The following WWC2 variants were observed in gnomAD, a reference collection of about 807,000 sequenced individuals.
WWC2 encodes protein WWC2.
WWC2 carries 101 observed loss-of-function variants against 138.5 expected under a neutral mutation model. The ratio of observed to expected loss-of-function variants is 0.73; its 90% CI spans 0.62 to 0.86. The LOEUF (loss-of-function observed/expected upper bound fraction) is 0.86, where lower values mean the gene tolerates loss of function less well. WWC2 is among the 40% of genes least tolerant of loss of function. WWC2 has a pLI of 0.00. For missense variants in WWC2, 1,420 were observed against 1,419.4 expected, an observed-to-expected ratio of 1.00 and a Z score of -0.01; for synonymous variants, 558 against 538.4, an observed-to-expected ratio of 1.04 and a Z score of -0.50.
intron 4 of WWC2, among the ~76,000 whole-genome samples, chr4:183,224,780 C>T (rs914477740): frequency 1.3e-5 from 2 of 152,136 alleles, no homozygotes; most frequent in African/African-American, 4.8e-5. Context: ...AGGCTGGTCT[C>T]AAACTCCTGA....
At chr4:183,247,793 T>C (rs1736848089) in intron 6 of WWC2, among the ~76,000 whole-genome samples, 1 of 138,192 alleles carries the variant, frequency 7.2e-6, no homozygotes. Flanking sequence ...ATATTATATA[T>C]ATAGTATATA....
rs142738292 is a variant in WWC2 at position 183,133,702 on chromosome 4, G to A, written c.131+34080G>A. ...AGTAGAGACGGGGTTTCACCGTGTT[G>A]GCCAGGCTGGTCTTGAACTCCTCAC... On this transcript the variant is annotated intron_variant, in intron 1 of 22. Coordinates refer to ENST00000403733, the MANE Select transcript of WWC2 (RefSeq NM_024949.6). 3.3e-3 allele frequency among the ~76,000 whole-genome samples: 495 copies of A among 152,112 alleles called. 4 individuals are homozygous for A. Among genetic ancestry groups the A allele is most frequent in the African/African-American group, 0.01 (423 of 41,498 alleles).
At chr4:183,273,327 G>A (rs975631615) in intron 16 of WWC2, among the ~76,000 whole-genome samples, 4 of 151,548 alleles carry the variant, frequency 2.6e-5, no homozygotes, top group African/African-American at 7.3e-5. Context: ...CTTTTGAGAC[G>A]GAGTTTTCTT....
At chr4:183,126,271 G>C (rs895628421) in intron 1 of WWC2, among the ~76,000 whole-genome samples, 2 of 152,212 alleles carry the variant, frequency 1.3e-5, no homozygotes, top group African/African-American at 4.8e-5. Context: ...TGGATTGTTT[G>C]AGAGGTAATG....
chr4:183,151,515 T>C (rs1169629877), intron 1 of WWC2, among the ~76,000 whole-genome samples: 1 of 152,240 alleles, frequency 6.6e-6, no homozygotes, highest in African/African-American at 2.4e-5. Context: ...TGGTAGTTTC[T>C]TTTGCTGTGC....
At chr4:183,126,895 ATTTTTTTT>A (rs11412789) in intron 1 of WWC2, among the ~76,000 whole-genome samples, 15 of 134,292 alleles carry the variant, frequency 1.1e-4, no homozygotes, top group Non-Finnish European at 2.1e-4. Flanking sequence ...TGCCCAGCTA[ATTTTTTTT>A]TTTTTTTTTT....
chr4:183,114,750 G>C (rs865784699), intron 1 of WWC2, among the ~76,000 whole-genome samples: 1 of 151,968 alleles, frequency 6.6e-6, no homozygotes, highest in Non-Finnish European at 1.5e-5. Flanking sequence ...AGTGTGTTGC[G>C]GGGGTTTGGT....
In WWC2 at chr4:183,223,760, C is replaced by T. The variant is rs375755583; in HGVS notation, c.522+14735C>T. ...AGACGGAGTCTCACCTTGTCTTACC[C>T]AGAAGTCTTACCCAGGCTGAAGGGC... is the stretch of plus-strand genomic sequence containing the variant. On this transcript the variant is annotated intron_variant, in intron 4 of 22. Transcript: ENST00000403733. 3.3e-4 allele frequency among the ~76,000 whole-genome samples: 50 copies of T among 152,056 alleles called. 1 individual carries two copies. The East Asian group carries it at 5.8e-3, about 18-fold the overall frequency.
intron 1 of WWC2, among the ~76,000 whole-genome samples, chr4:183,123,140 C>G (rs748565393): frequency 3.3e-5 from 5 of 152,142 alleles, no homozygotes; most frequent in Non-Finnish European, 7.3e-5. Context: ...CATTTGCATC[C>G]TGTTCAGCTC....
At chr4:183,217,018 A>G (rs1051983620) in intron 4 of WWC2, among the ~76,000 whole-genome samples, 2 of 152,222 alleles carry the variant, frequency 1.3e-5, no homozygotes, top group Non-Finnish European at 2.9e-5. Context: ...CAGAAGGGTA[A>G]TGCCATAGTA....
intron 1 of WWC2, among the ~76,000 whole-genome samples, chr4:183,163,742 A>G (rs1442640545): frequency 6.6e-6 from 1 of 152,142 alleles, no homozygotes; most frequent in East Asian, 1.9e-4. Flanking sequence ...AAAATTATTA[A>G]ATTTAATTCA....
chr4:183,298,691 C>CA (rs1201612223), intron 21 of WWC2, among the ~76,000 whole-genome samples: 1 of 152,200 alleles, frequency 6.6e-6, no homozygotes, highest in East Asian at 1.9e-4. Flanking sequence ...TTTATATACT[C>CA]ACCTATGAAT....
intron 16 of WWC2, among the ~76,000 whole-genome samples, chr4:183,272,540 A>G (rs1737723751): frequency 6.6e-6 from 1 of 152,202 alleles, no homozygotes; most frequent in Non-Finnish European, 1.5e-5. Flanking sequence ...ACAGTCTAAT[A>G]TTAGAACATT....
chr4:183,116,556 A>G (rs183051004), intron 1 of WWC2, among the ~76,000 whole-genome samples: 37 of 152,374 alleles, frequency 2.4e-4, no homozygotes, highest in African/African-American at 8.4e-4. Flanking sequence ...CTAACAAGAT[A>G]CTGCCTTCGA....
Position 183,318,698 on chromosome 4 carries a change from A to T in WWC2, c.*2969A>T, listed in dbSNP as rs1276759135. On this transcript the variant is annotated 3_prime_UTR_variant, in exon 23 of 23. Transcript: ENST00000403733. ...CTTGTTGGAACTATATGTATTGCTGATAAAAAAGGACGAAGTATTTTCATT... is the reference window on the plus strand; with the variant it reads ...CTTGTTGGAACTATATGTATTGCTGTTAAAAAAGGACGAAGTATTTTCATT... The T allele has an allele frequency of 6.6e-6, 1 of 152,222 alleles. No individual in the cohort carries two copies. The highest frequency in any genetic ancestry group is 2.4e-5 in the African/African-American group (1 of 41,450). The allele number at this position is 152,222 out of a possible 1,614,324, so 9.4% of individuals were successfully genotyped here. A position where few individuals can be genotyped will look rare whatever the true frequency, so the allele number is the denominator to read the frequency against.
chr4:183,226,340 C>T (rs936692897), intron 4 of WWC2, among the ~76,000 whole-genome samples: 1 of 152,042 alleles, frequency 6.6e-6, no homozygotes, highest in Admixed American at 6.6e-5. Flanking sequence ...TCAAGCAATC[C>T]ACCTGCCTTG....
intron 1 of WWC2, among the ~76,000 whole-genome samples, chr4:183,166,623 A>C (rs1357929799): frequency 6.6e-6 from 1 of 152,194 alleles, no homozygotes; most frequent in Non-Finnish European, 1.5e-5. Flanking sequence ...ATCTCAAGTC[A>C]TTTACTCACT....
intron 4 of WWC2, among the ~76,000 whole-genome samples, chr4:183,223,028 A>G (rs1580074659): frequency 6.6e-6 from 1 of 152,154 alleles, no homozygotes; most frequent in African/African-American, 2.4e-5. Flanking sequence ...TCAATGACAA[A>G]CCACATATAT....
chr4:183,245,763 A>G (rs184118400), intron 6 of WWC2, among the ~76,000 whole-genome samples: 35 of 152,282 alleles, frequency 2.3e-4, no homozygotes, highest in Middle Eastern at 6.8e-3. Context: ...GCTTCGTTGT[A>G]AGCAGCCTTT....
Sources: allele counts gnomAD v4.1 joint callset (sites outside exome capture counted in the v4.1 genomes callset), GRCh38; gene constraint gnomAD v4.1.1; transcripts MANE v1.5; gene names NCBI Gene and HGNC (gene_info 2026-07-23, HGNC 2026-07-21).